The following HSPA12A variants were observed in gnomAD, a reference collection of about 807,000 sequenced individuals.
HSPA12A encodes heat shock 70 kDa protein 12A.
In HSPA12A, 28 loss-of-function variants were observed where a neutral mutation model predicts 69.2. The observed-to-expected ratio is 0.40, with a 90% CI of 0.30 to 0.55. The LOEUF is 0.55. HSPA12A is among the 20% of genes least tolerant of loss of function. HSPA12A has a pLI of 0.38. For missense variants in HSPA12A, 686 were observed against 900.7 expected (o/e 0.76, Z 3.05); for synonymous variants, 345 against 370.5 (o/e 0.93, Z 0.79).
chr10:116,823,233 G>A (rs1407480213), intron 2 of HSPA12A, among the ~76,000 whole-genome samples: 1 of 152,112 alleles, frequency 6.6e-6, no homozygotes, highest in Non-Finnish European at 1.5e-5. Context: ...AAAATATTTA[G>A]GAATGCATTT....
In HSPA12A at chr10:116,674,573, C is replaced by T; in HGVS notation, c.*208G>A. 1 of 607,382 alleles carries T rather than the reference C, an allele frequency of 1.6e-6. No individual in the cohort carries two copies. Among genetic ancestry groups the T allele is most frequent in the South Asian group, 2.1e-5 (1 of 47,632 alleles). 37.6% of individuals were successfully genotyped at this position (607,382 alleles called of 1,614,324 possible). On this transcript the variant is annotated 3_prime_UTR_variant, in exon 12 of 12. Coordinates refer to ENST00000369209, the MANE Select transcript of HSPA12A (RefSeq NM_025015.3). ...CTCCAGGATCCTTTAATTTTCTATG[C>T]CTAAACCTTAATCTTAATTTCTGTT...
chr10:116,720,011 G>A (rs1050931293), intron 1 of HSPA12A, among the ~76,000 whole-genome samples: 1 of 152,224 alleles, frequency 6.6e-6, no homozygotes, highest in Non-Finnish European at 1.5e-5. Context: ...TAATGAATAG[G>A]AGTTTCTTCC....
chr10:116,689,612 CACAGACAGACAGACAG>C (rs58875112), intron 6 of HSPA12A, among the ~76,000 whole-genome samples: 1 of 150,550 alleles, frequency 6.6e-6, no homozygotes, highest in East Asian at 2.0e-4. Flanking sequence ...CATACAGACA[CACAGACAGACAGACAG>C]ACAGACAGAC....
chr10:116,681,790 C>G lies in HSPA12A; in HGVS notation c.922+1G>C. The G allele has an allele frequency of 1.2e-6, 2 of 1,613,332 alleles. No individual in the cohort carries two copies. Among genetic ancestry groups the G allele is most frequent in the Non-Finnish European group, 1.7e-6 (2 of 1,179,296 alleles). On this transcript the variant is annotated splice_donor_variant, in intron 8 of 11. Transcript: ENST00000369209. LOFTEE classifies it high-confidence loss of function. ...GAGCAAAGGACATTGAAGGACGCTA[C>G]CTTCCTCCAGCTCGGACCAGATTTC... is the stretch of plus-strand genomic sequence containing the variant.
chr10:116,753,756 T>A (rs889530472), intron 2 of HSPA12A, among the ~76,000 whole-genome samples: 15 of 152,348 alleles, frequency 9.8e-5, no homozygotes, highest in African/African-American at 3.6e-4. Flanking sequence ...GAAATGGGTC[T>A]ACGTCCTCTT....
intron 1 of HSPA12A, among the ~76,000 whole-genome samples, chr10:116,725,434 T>C (rs1369261745): frequency 1.3e-5 from 2 of 152,090 alleles, no homozygotes; most frequent in East Asian, 3.9e-4. Context: ...AAAAGAAGCC[T>C]GAAGCTGGCA....
intron 10 of HSPA12A, 83 bp downstream of exon 10, chr10:116,679,420 A>T (rs1029565245): frequency 6.4e-5 from 98 of 1,540,882 alleles, no homozygotes; most frequent in Non-Finnish European, 8.4e-5. Flanking sequence ...TTGGAACCCG[A>T]AGTCCACACT....
intron 1 of HSPA12A, among the ~76,000 whole-genome samples, chr10:116,713,313 T>A (rs1554883403): frequency 6.6e-6 from 1 of 152,096 alleles, no homozygotes; most frequent in African/African-American, 2.4e-5. Context: ...CTGTTTTTAA[T>A]CACTATGGTG....
At chr10:116,780,670 T>C (rs1403508788) in intron 2 of HSPA12A, among the ~76,000 whole-genome samples, 1 of 152,186 alleles carries the variant, frequency 6.6e-6, no homozygotes, top group Non-Finnish European at 1.5e-5. Flanking sequence ...TTAATACGAT[T>C]ATCAAATCCT....
intron 1 of HSPA12A, among the ~76,000 whole-genome samples, chr10:116,722,412 T>G (rs536110809): frequency 2.0e-5 from 3 of 152,204 alleles, no homozygotes; most frequent in South Asian, 2.1e-4. Flanking sequence ...CTTGTCTCCC[T>G]GCCTCTCGCT....
At chr10:116,842,333 A>G (rs1845815144) in intron 1 of HSPA12A, among the ~76,000 whole-genome samples, 1 of 152,178 alleles carries the variant, frequency 6.6e-6, no homozygotes, top group Admixed American at 6.5e-5. Context: ...CTTAACTAGG[A>G]TTCTTCCTCT....
intron 2 of HSPA12A, among the ~76,000 whole-genome samples, chr10:116,786,535 G>A (rs11197820): frequency 0.3 from 46,201 of 152,016 alleles, 8,259 homozygotes; most frequent in Non-Finnish European, 0.41. Context: ...AAAAATGTTC[G>A]TTCTCATTTA....
intron 2 of HSPA12A, among the ~76,000 whole-genome samples, chr10:116,775,321 C>A (rs1224522993): frequency 6.6e-6 from 1 of 152,132 alleles, no homozygotes; most frequent in East Asian, 1.9e-4. Flanking sequence ...GAGACGGGAG[C>A]CTGGGATTTG....
chr10:116,796,666 C>T (rs1450747903), intron 2 of HSPA12A, among the ~76,000 whole-genome samples: 2 of 152,150 alleles, frequency 1.3e-5, no homozygotes, highest in African/African-American at 2.4e-5. Context: ...CAGCTGTAGC[C>T]GCTGCAGCAT....
chr10:116,838,150 G>T (rs7081504), intron 1 of HSPA12A, among the ~76,000 whole-genome samples: 8 of 152,232 alleles, frequency 5.3e-5, no homozygotes, highest in African/African-American at 1.9e-4. Flanking sequence ...CTATTTGATC[G>T]GTGGTCTAGG....
chr10:116,742,692 G>C, upstream of HSPA12A: 3 of 759,788 alleles, frequency 3.9e-6, no homozygotes, highest in Non-Finnish European at 4.8e-6. Flanking sequence ...GGGAAAGGTC[G>C]GGGAAGGCGG....
chr10:116,707,060 A>G, intron 2 of HSPA12A, 140 bp downstream of exon 2: 1 of 674,638 alleles, frequency 1.5e-6, no homozygotes, highest in Non-Finnish European at 2.4e-6. Context: ...CAACCAGTGA[A>G]TGTGAGGGGC....
chr10:116,833,378 G>A (rs1428651367), intron 2 of HSPA12A: 2 of 152,110 alleles, frequency 1.3e-5, no homozygotes, highest in Admixed American at 6.5e-5. Flanking sequence ...GGGGAGCTGA[G>A]AATTAATGGT....
intron 2 of HSPA12A, among the ~76,000 whole-genome samples, chr10:116,752,734 G>C (rs1851800763): frequency 6.6e-6 from 1 of 152,192 alleles, no homozygotes; most frequent in Non-Finnish European, 1.5e-5. Context: ...GTGTGGCCTT[G>C]AGTGACTCAT....
Sources: allele counts gnomAD v4.1 joint callset (sites outside exome capture counted in the v4.1 genomes callset), GRCh38; gene constraint gnomAD v4.1.1; transcripts MANE v1.5; gene names NCBI Gene and HGNC (gene_info 2026-07-23, HGNC 2026-07-21).